ANAPC1: variants seen among roughly 807,000 people sequenced by gnomAD.
ANAPC1 encodes anaphase-promoting complex subunit 1.
A neutral mutation model predicts 208.0 loss-of-function variants in ANAPC1; 36 were observed. The ratio of observed to expected loss-of-function variants is 0.17; its 90% confidence interval spans 0.13 to 0.23. The LOEUF (loss-of-function observed/expected upper bound fraction) is 0.23. Among genes scored for constraint, ANAPC1 ranks in the 10% least tolerant of loss-of-function variants. ANAPC1 has a pLI of 1.00. For missense variants in ANAPC1, 942 were observed against 2,011.6 expected, an observed-to-expected ratio of 0.47 and a Z score of 10.17; for synonymous variants, 378 against 695.2, an observed-to-expected ratio of 0.54 and a Z score of 7.18.
intron 15 of ANAPC1, among the ~76,000 whole-genome samples, 167 bp downstream of exon 15, chr2:111,847,558 G>A (rs1048692257): frequency 6.6e-6 from 1 of 152,184 alleles, no homozygotes; most frequent in African/African-American, 2.4e-5. Flanking sequence ...TAGAAAACAA[G>A]CAGAATTACT....
Position 111,768,225 on chromosome 2 carries a change from A to AT in ANAPC1, c.*1065dup, listed in dbSNP as rs1325994743. The AT allele has an allele frequency of 6.6e-6, 1 of 152,042 alleles. No individual in the cohort carries two copies. The highest frequency in any genetic ancestry group is 2.4e-5 in the African/African-American group (1 of 41,324). 9.4% of individuals were successfully genotyped at this position (152,042 alleles called of 1,614,324 possible). A position where few individuals can be genotyped will look rare whatever the true frequency, so the allele number is the denominator to read the frequency against. On this transcript the variant is annotated 3_prime_UTR_variant, in exon 48 of 48. Coordinates refer to ENST00000341068, the MANE Select transcript of ANAPC1 (RefSeq NM_022662.4). ...AAGCTGGAGGTGCCTTTATATGAAC[A>AT]TTTTTCATCATCATCTAGTCCAGAA...
intron 39 of ANAPC1, 103 bp downstream of exon 39, chr2:111,788,131 C>A: frequency 6.7e-7 from 1 of 1,502,634 alleles, no homozygotes. Context: ...GAGAACAAAA[C>A]AATGCTAATT....
chr2:111,873,206 T>G (rs964675707), intron 5 of ANAPC1, 102 bp downstream of exon 5: 2 of 1,134,384 alleles, frequency 1.8e-6, no homozygotes, highest in African/African-American at 1.6e-5. Context: ...AATAACATTT[T>G]TGACTACTAC....
At chr2:111,826,336 C>T (rs1360849729) in intron 21 of ANAPC1, among the ~76,000 whole-genome samples, 1 of 152,182 alleles carries the variant, frequency 6.6e-6, no homozygotes, top group African/African-American at 2.4e-5. Context: ...CCAAAAAGTT[C>T]CCTTGTTCCT....
chr2:111,842,080 T>A (rs551484684), intron 17 of ANAPC1, among the ~76,000 whole-genome samples: 1 of 152,310 alleles, frequency 6.6e-6, no homozygotes, highest in South Asian at 2.1e-4. Flanking sequence ...TGAAAAAGGA[T>A]GTTTATAAAT....
At chr2:111,851,764 C>T (rs926333127) in intron 13 of ANAPC1, among the ~76,000 whole-genome samples, 6 of 151,238 alleles carry the variant, frequency 4.0e-5, no homozygotes, top group African/African-American at 1.5e-4. Flanking sequence ...GAGCCGAGAT[C>T]GCGCCACTGC....
rs1573291279 is a variant in ANAPC1 at position 111,772,540 on chromosome 2, T to C, written c.5585-65A>G. 1.2e-5 allele frequency: 8 copies of C among 654,616 alleles called. No individual in the cohort carries two copies. The East Asian group carries it at 1.9e-4, about 15-fold the overall frequency. 40.6% of individuals were successfully genotyped at this position (654,616 alleles called of 1,614,324 possible). A position where few individuals can be genotyped will look rare whatever the true frequency, so the allele number is the denominator to read the frequency against. ...GAACTGAGAGGCACAAGAAATATCT[T>C]CTATTACTTTTTCATCAAGAACTTA... On this transcript the variant is annotated intron_variant, in intron 46 of 47. Coordinates refer to ENST00000341068, the MANE Select transcript of ANAPC1 (RefSeq NM_022662.4).
At chr2:111,877,543 G>A (rs574416119) in intron 3 of ANAPC1, among the ~76,000 whole-genome samples, 7 of 152,272 alleles carry the variant, frequency 4.6e-5, no homozygotes, top group Admixed American at 6.5e-5. Context: ...TTGGGAGGCC[G>A]AGGTGGGTGG....
intron 1 of ANAPC1, among the ~76,000 whole-genome samples, chr2:111,883,427 GT>G (rs1683427935): frequency 6.7e-6 from 1 of 150,372 alleles, no homozygotes; most frequent in Non-Finnish European, 1.5e-5. Context: ...TTTTAGAAAT[GT>G]TTTTACTTGT....
chr2:111,844,164 T>C (rs960266482), intron 16 of ANAPC1, among the ~76,000 whole-genome samples: 14 of 152,088 alleles, frequency 9.2e-5, no homozygotes, highest in Non-Finnish European at 1.2e-4. Context: ...AGAAATAAAG[T>C]AATCAAATAG....
intron 5 of ANAPC1, 29 bp downstream of exon 5, chr2:111,873,279 C>A (rs764619449): frequency 5.7e-6 from 9 of 1,565,938 alleles, no homozygotes; most frequent in Middle Eastern, 3.4e-4. Flanking sequence ...TCCAACAAAA[C>A]CCCCCCAAAA....
chr2:111,823,441 T>C (rs1240916291), intron 24 of ANAPC1, among the ~76,000 whole-genome samples: 1 of 151,714 alleles, frequency 6.6e-6, no homozygotes, highest in Non-Finnish European at 1.5e-5. Flanking sequence ...TAGAAACTTA[T>C]ACCCATGTAC....
intron 38 of ANAPC1, among the ~76,000 whole-genome samples, chr2:111,788,855 G>A (rs1244864118): frequency 8.6e-5 from 13 of 151,816 alleles, no homozygotes; most frequent in African/African-American, 2.9e-4. Flanking sequence ...AAGTTACAAC[G>A]AGGCCATGCG....
At chr2:111,826,637 T>C (rs898603840) in intron 21 of ANAPC1, among the ~76,000 whole-genome samples, 2 of 151,072 alleles carry the variant, frequency 1.3e-5, no homozygotes, top group Non-Finnish European at 2.9e-5. Flanking sequence ...GTGGTCACTA[T>C]GACCAAAGCT....
At chr2:111,786,944 G>A (rs1359487021) in intron 39 of ANAPC1, among the ~76,000 whole-genome samples, 2 of 149,754 alleles carry the variant, frequency 1.3e-5, no homozygotes, top group African/African-American at 2.5e-5. Flanking sequence ...GTCAGGAGAT[G>A]GAGACCATCC....
chr2:111,872,721 T>C lies in ANAPC1; in HGVS notation c.529-9A>G. The C allele has an allele frequency of 3.7e-6, 6 of 1,602,276 alleles. No homozygotes were observed. The highest frequency in any genetic ancestry group is 2.7e-5 in the African/African-American group (2 of 74,720). On this transcript the variant is annotated splice_polypyrimidine_tract_variant and intron_variant, in intron 5 of 47. Coordinates refer to ENST00000341068, the MANE Select transcript of ANAPC1 (RefSeq NM_022662.4). ...GGCCAAACATTTGCAACCTTTCAGG[T>C]AAAAGGGTGGGAAAAGATAGAAGTA...
At chr2:111,800,239 T>C (rs1180910671) in intron 34 of ANAPC1, among the ~76,000 whole-genome samples, 1 of 146,462 alleles carries the variant, frequency 6.8e-6, no homozygotes, top group Non-Finnish European at 1.5e-5. Context: ...ATTTTTCTTC[T>C]GAAAATACTG....
chr2:111,839,953 A>G (rs1222067827), intron 17 of ANAPC1, among the ~76,000 whole-genome samples: 3 of 152,064 alleles, frequency 2.0e-5, no homozygotes, highest in East Asian at 3.9e-4. Flanking sequence ...TTCATCTATC[A>G]TAACACATTT....
intron 21 of ANAPC1, among the ~76,000 whole-genome samples, chr2:111,827,288 T>C (rs912688689): frequency 6.6e-6 from 1 of 152,116 alleles, no homozygotes. Context: ...ATATTCAACA[T>C]ATAACACAAA....
Sources: gnomAD v4.1 joint callset for allele counts (sites outside exome capture counted in the v4.1 genomes callset) on GRCh38, gnomAD v4.1.1 for gene constraint, MANE v1.5 for transcripts, NCBI Gene and HGNC (gene_info 2026-07-23, HGNC 2026-07-21) for gene names.